The following MGMT variants were observed in gnomAD, a reference collection of about 807,000 sequenced individuals.
MGMT encodes methylated-DNA--protein-cysteine methyltransferase.
MGMT carries 14 observed loss-of-function variants against 15.9 expected under a neutral mutation model. The ratio of observed to expected loss-of-function variants is 0.88; its 90% CI spans 0.58 to 1.37. MGMT has a LOEUF of 1.37. Ranked by LOEUF, MGMT falls within the 40% of genes most tolerant of loss-of-function variation. MGMT has a pLI of 0.00. For synonymous variants in MGMT, 130 were observed against 118.2 expected, an observed-to-expected ratio of 1.10 and a Z score of -0.65; for missense variants, 282 against 268.1, an observed-to-expected ratio of 1.05 and a Z score of -0.36.
chr10:129,688,495 A>C (rs1157958417), intron 2 of MGMT, among the ~76,000 whole-genome samples: 1 of 152,180 alleles, frequency 6.6e-6, no homozygotes, highest in Non-Finnish European at 1.5e-5. Context: ...TCTTCTTTTG[A>C]GAAGTCTCTG....
At chr10:129,594,454 C>G (rs1190366532) in intron 2 of MGMT, among the ~76,000 whole-genome samples, 1 of 152,194 alleles carries the variant, frequency 6.6e-6, no homozygotes, top group Non-Finnish European at 1.5e-5. Flanking sequence ...ACACTGTGTT[C>G]TTTGAAACCT....
In MGMT at chr10:129,507,902, C is replaced by T. The variant is rs150830020; in HGVS notation, c.-12-28339C>T. ...CAAACAAGCCGAAAGCTTTTGTTCT[C>T]ATTCCACCACAGGTTTGTAGAGTTT... On this transcript the variant is annotated intron_variant, in intron 1 of 4. Transcript: ENST00000651593. 1.8e-3 allele frequency among the ~76,000 whole-genome samples: 280 copies of T among 152,340 alleles called. 1 individual carries two copies. Among genetic ancestry groups the T allele is most frequent in the African/African-American group, 4.2e-3 (175 of 41,568 alleles).
chr10:129,548,652 C>G (rs747569860), intron 2 of MGMT, among the ~76,000 whole-genome samples: 1 of 152,238 alleles, frequency 6.6e-6, no homozygotes, highest in Non-Finnish European at 1.5e-5. Flanking sequence ...GTTGGCTGGT[C>G]CTGCAGGCAG....
intron 2 of MGMT, among the ~76,000 whole-genome samples, chr10:129,612,855 TC>T (rs942551372): frequency 4.6e-5 from 7 of 152,250 alleles, no homozygotes; most frequent in African/African-American, 1.7e-4. Flanking sequence ...GCCTCTTCCG[TC>T]CCCCTCGCCC....
chr10:129,677,148 T>A (rs1589930827), intron 2 of MGMT, among the ~76,000 whole-genome samples: 1 of 147,298 alleles, frequency 6.8e-6, no homozygotes, highest in Non-Finnish European at 1.5e-5. Context: ...CTGATAGGAG[T>A]TGATTTACAT....
At chr10:129,485,360 C>T (rs1318959686) in intron 1 of MGMT, among the ~76,000 whole-genome samples, 2 of 152,232 alleles carry the variant, frequency 1.3e-5, no homozygotes, top group African/African-American at 2.4e-5. Flanking sequence ...TGACCCTCCT[C>T]CTCCTTGGCA....
At chr10:129,612,500 C>A (rs1846972601) in intron 2 of MGMT, among the ~76,000 whole-genome samples, 1 of 152,160 alleles carries the variant, frequency 6.6e-6, no homozygotes, top group Non-Finnish European at 1.5e-5. Context: ...TTTATCATTA[C>A]CTAGTTTTAT....
chr10:129,716,922 A>G (rs1220946565), intron 3 of MGMT, among the ~76,000 whole-genome samples: 1 of 152,254 alleles, frequency 6.6e-6, no homozygotes, highest in Non-Finnish European at 1.5e-5. Flanking sequence ...ATTATATTTT[A>G]ATATTCAACT....
At position 129,739,492 on chromosome 10, in the gene MGMT, G is replaced by A. The variant is rs111725173; in HGVS notation, c.275-19710G>A. Among the ~76,000 whole-genome samples the A allele has an allele frequency of 1.5e-3, 225 of 152,262 alleles. 2 individuals carry two copies. Among genetic ancestry groups the A allele is most frequent in the African/African-American group, 4.8e-3 (199 of 41,534 alleles). ...TCTTGGTGTGCAGCAGGAGGTGCAC[G>A]TGCTGTGCTTGTCCATCAGTGTCTG... On this transcript the variant is annotated intron_variant, in intron 3 of 4. Transcript: ENST00000651593.
chr10:129,500,737 G>T (rs1248212699), intron 1 of MGMT, among the ~76,000 whole-genome samples: 1 of 152,044 alleles, frequency 6.6e-6, no homozygotes, highest in East Asian at 1.9e-4. Context: ...TTTTTGTAGA[G>T]ACAGTGCTTC....
chr10:129,546,037 A>T (rs923510579), intron 2 of MGMT, among the ~76,000 whole-genome samples: 1 of 152,272 alleles, frequency 6.6e-6, no homozygotes. Flanking sequence ...CAGTTGCTGT[A>T]CAAGTGACGG....
chr10:129,561,867 C>G (rs1846282850), intron 2 of MGMT, among the ~76,000 whole-genome samples: 6 of 152,196 alleles, frequency 3.9e-5, no homozygotes, highest in Admixed American at 3.9e-4. Flanking sequence ...GCACCCAGGA[C>G]TTGTAAATGA....
At chr10:129,470,543 A>G (rs1845218746) in intron 1 of MGMT, among the ~76,000 whole-genome samples, 1 of 152,168 alleles carries the variant, frequency 6.6e-6, no homozygotes, top group Non-Finnish European at 1.5e-5. Flanking sequence ...GACTTTGTTG[A>G]TCTTTGAAGT....
chr10:129,604,510 G>A (rs1046552832), intron 2 of MGMT, among the ~76,000 whole-genome samples: 1 of 152,220 alleles, frequency 6.6e-6, no homozygotes, highest in African/African-American at 2.4e-5. Flanking sequence ...CAGTCTGTGG[G>A]CTCAGGAGCA....
chr10:129,653,214 C>T (rs765416551), intron 2 of MGMT, among the ~76,000 whole-genome samples: 2 of 152,206 alleles, frequency 1.3e-5, no homozygotes, highest in Non-Finnish European at 2.9e-5. Context: ...AAGCAGTTCT[C>T]GTTCTGTCAT....
intron 2 of MGMT, chr10:129,700,437 C>G (rs924526102): frequency 6.6e-6 from 1 of 152,192 alleles, no homozygotes; most frequent in African/African-American, 2.4e-5. Context: ...CTGCCATGTT[C>G]CTTCGCAGCC....
intron 2 of MGMT, among the ~76,000 whole-genome samples, chr10:129,650,338 T>C (rs1847442452): frequency 6.6e-6 from 1 of 152,174 alleles, no homozygotes; most frequent in Non-Finnish European, 1.5e-5. Context: ...GCCAGTCCTC[T>C]AATTCATCTT....
At chr10:129,730,374 A>G (rs1010615697) in intron 3 of MGMT, among the ~76,000 whole-genome samples, 11 of 152,112 alleles carry the variant, frequency 7.2e-5, no homozygotes, top group African/African-American at 2.2e-4. Context: ...CAGATTTTCT[A>G]CTTTCATGTT....
At position 129,657,707 on chromosome 10, in the gene MGMT, G is replaced by GCACGCACACACA. The variant is rs1407243363; in HGVS notation, c.126-50185_126-50184insGCACACACACAC. On this transcript the variant is annotated intron_variant, in intron 2 of 4. Transcript: ENST00000651593. ...CACACACACACACACACACACACAC[G>GCACGCACACACA]CACACACACACACACACACACCCCC... Among the ~76,000 whole-genome samples, 26 of 111,560 alleles carry GCACGCACACACA rather than the reference G, an allele frequency of 2.3e-4. No individual in the cohort carries two copies. The East Asian group carries it at 3.1e-3, about 13-fold the overall frequency. The allele number at this position is 111,560 out of a possible 152,430, so 73.2% of individuals were successfully genotyped here.
Sources: gnomAD v4.1 joint callset for allele counts (sites outside exome capture counted in the v4.1 genomes callset) on GRCh38, gnomAD v4.1.1 for gene constraint, MANE v1.5 for transcripts, NCBI Gene and HGNC (gene_info 2026-07-23, HGNC 2026-07-21) for gene names.